The following SELP variants were observed in gnomAD, a reference collection of about 807,000 sequenced individuals.
The protein encoded by SELP is selectin P.
SELP carries 92 observed loss-of-function variants against 104.1 expected under a neutral mutation model. That is an observed-to-expected ratio of 0.88 (90% CI 0.75 to 1.05). SELP has a LOEUF of 1.05. Among genes scored for constraint, SELP ranks in the 50% least tolerant of loss-of-function variants. The pLI, the probability that SELP is intolerant of heterozygous loss-of-function variation, is 0.00. For synonymous variants in SELP, 397 were observed against 364.5 expected (o/e 1.09, Z -1.01); for missense variants, 1,022 against 1,017.3 (o/e 1.00, Z -0.06).
chr1:169,608,889 C>T (rs907015116), intron 8 of SELP, among the ~76,000 whole-genome samples: 3 of 152,094 alleles, frequency 2.0e-5, no homozygotes, highest in Non-Finnish European at 2.9e-5. Context: ...ACACCCGCCC[C>T]CCATGAGTGC....
chr1:169,603,222 C>A lies in SELP; in HGVS notation c.1520-11G>T. On this transcript the variant is annotated splice_polypyrimidine_tract_variant and intron_variant, in intron 9 of 16. Transcript: ENST00000263686. Reference sequence around the variant, plus strand: ...GTGTGCAGGGAATGGCTATCATGGGCATGGCAGAGGAGAAAAGAAGAGATC... The same window carrying A: ...GTGTGCAGGGAATGGCTATCATGGGAATGGCAGAGGAGAAAAGAAGAGATC... 1 of 1,604,982 alleles carries A rather than the reference C, an allele frequency of 6.2e-7. No individual in the cohort carries two copies. Among genetic ancestry groups the A allele is most frequent in the African/African-American group, 1.3e-5 (1 of 74,724 alleles).
At chr1:169,603,870 T>TA (rs915679777) in intron 9 of SELP, among the ~76,000 whole-genome samples, 2 of 152,250 alleles carry the variant, frequency 1.3e-5, no homozygotes, top group African/African-American at 4.8e-5. Flanking sequence ...TTTGGGTTGG[T>TA]TCCAAGTCTT....
rs3917747 is a variant in SELP at position 169,608,233 on chromosome 1, A to G, written c.1334-1099T>C. 7.2e-3 allele frequency among the ~76,000 whole-genome samples: 1,096 copies of G among 151,962 alleles called. 16 individuals carry two copies. The highest frequency in any genetic ancestry group is 0.025 in the African/African-American group (1,044 of 41,382). On this transcript the variant is annotated intron_variant, in intron 8 of 16. Transcript: ENST00000263686. ...TAATTTACCATTTACCATGTCACCA[A>G]TATCAAGTGTACAGTTCAGTGGTAT...
chr1:169,590,550 A>T (rs1268840474), intron 15 of SELP, among the ~76,000 whole-genome samples: 1 of 146,272 alleles, frequency 6.8e-6, no homozygotes, highest in Non-Finnish European at 1.5e-5. Context: ...AGGGTGCAAT[A>T]TGACCCCTAG....
At chr1:169,611,735 A>ATG in intron 6 of SELP, 58 bp from the exon 7 acceptor site, 1 of 1,439,688 alleles carries the variant, frequency 6.9e-7, no homozygotes, top group Non-Finnish European at 9.2e-7. Context: ...AAAGCCACAC[A>ATG]GAGAGCAATG....
chr1:169,604,205 T>A (rs1662065458), intron 9 of SELP, among the ~76,000 whole-genome samples: 1 of 152,058 alleles, frequency 6.6e-6, no homozygotes, highest in African/African-American at 2.4e-5. Context: ...TGGCCAGTGA[T>A]GATGAGCATT....
Position 169,607,196 on chromosome 1 carries a change from A to AG in SELP, c.1334-63_1334-62insC, listed in dbSNP as rs1250498854. ...ATACACATGTACTCATTGATTTTTGACCATTAACTCTTTCTAGTGTCAAGA... is the reference window on the plus strand; with the variant it reads ...ATACACATGTACTCATTGATTTTTGAGCCATTAACTCTTTCTAGTGTCAAGA... On this transcript the variant is annotated intron_variant, in intron 8 of 16. Coordinates refer to ENST00000263686, the MANE Select transcript of SELP (RefSeq NM_003005.4). The AG allele has an allele frequency of 1.2e-4, 163 of 1,356,516 alleles. No homozygotes were observed. The African/African-American group carries it at 1.8e-3, about 15-fold the overall frequency. 84.0% of individuals were successfully genotyped at this position (1,356,516 alleles called of 1,614,324 possible).
intron 11 of SELP, 123 bp from the exon 12 acceptor site, chr1:169,596,257 CT>C (rs901819474): frequency 2.4e-6 from 2 of 828,056 alleles, no homozygotes; most frequent in Non-Finnish European, 3.9e-6. Context: ...CCTGCAAGAG[CT>C]ATTTAAGGAA....
intron 12 of SELP, 84 bp downstream of exon 12, chr1:169,595,841 G>A: frequency 8.2e-7 from 1 of 1,225,670 alleles, no homozygotes; most frequent in Non-Finnish European, 1.2e-6. Flanking sequence ...GTGGTTGGGT[G>A]AGACTTCAAC....
intron 1 of SELP, among the ~76,000 whole-genome samples, chr1:169,625,347 C>T (rs970834023): frequency 1.3e-5 from 2 of 152,210 alleles, no homozygotes; most frequent in South Asian, 2.1e-4. Context: ...CCTTCCCTTG[C>T]AGAGGTAAGT....
At chr1:169,599,321 A>T (rs1234818633) in intron 10 of SELP, among the ~76,000 whole-genome samples, 2 of 151,376 alleles carry the variant, frequency 1.3e-5, no homozygotes, top group African/African-American at 2.4e-5. Context: ...TAACTTTGAG[A>T]AGTGGTCATA....
chr1:169,612,870 G>T, intron 5 of SELP, 59 bp downstream of exon 5: 1 of 1,395,146 alleles, frequency 7.2e-7, no homozygotes, highest in Non-Finnish European at 9.7e-7. Flanking sequence ...AGCTCATTGT[G>T]TCCTCTTCTC....
intron 1 of SELP, 100 bp downstream of exon 1, chr1:169,629,972 A>ATCGC: frequency 4.8e-6 from 7 of 1,461,578 alleles, no homozygotes; most frequent in Non-Finnish European, 5.8e-6. Context: ...CTCCATGGCT[A>ATCGC]TCGCTGTTCC....
intron 1 of SELP, among the ~76,000 whole-genome samples, chr1:169,623,853 T>C (rs1241593923): frequency 6.6e-6 from 1 of 152,174 alleles, no homozygotes; most frequent in Non-Finnish European, 1.5e-5. Context: ...TCCCCACCAC[T>C]GAGACTCAGT....
intron 10 of SELP, 112 bp downstream of exon 10, chr1:169,602,914 T>C: frequency 2.6e-6 from 2 of 765,576 alleles, no homozygotes; most frequent in Non-Finnish European, 4.0e-6. Context: ...ACCATTGTTG[T>C]GGAGAGTGTT....
intron 9 of SELP, among the ~76,000 whole-genome samples, chr1:169,603,914 T>G (rs1662050034): frequency 6.6e-6 from 1 of 152,262 alleles, no homozygotes; most frequent in African/African-American, 2.4e-5. Flanking sequence ...TAAACATACC[T>G]GTGCATGTGT....
rs926529371 is a variant in SELP, at chr1:169,611,748, G to T, written c.962-71C>A. On this transcript the variant is annotated intron_variant, in intron 6 of 16. Coordinates refer to ENST00000263686, the MANE Select transcript of SELP (RefSeq NM_003005.4). ...GAAAAGCCACACAGAGAGCAATGGT[G>T]GAACCACCTCTGAAATGCAGGTGGA... 3 of 1,456,092 alleles carry T rather than the reference G, an allele frequency of 2.1e-6. No homozygotes were observed. In the African/African-American group the frequency reaches 4.2e-5, roughly 21 times the overall value. 90.2% of individuals were successfully genotyped at this position (1,456,092 alleles called of 1,614,324 possible). A position where few individuals can be genotyped will look rare whatever the true frequency, so the allele number is the denominator to read the frequency against.
intron 1 of SELP, among the ~76,000 whole-genome samples, chr1:169,624,267 A>G (rs1663270322): frequency 6.6e-6 from 1 of 152,162 alleles, no homozygotes; most frequent in Admixed American, 6.5e-5. Context: ...TTACTAAGCA[A>G]GTTAAATACT....
At chr1:169,609,883 C>A (rs1207135383) in intron 7 of SELP, among the ~76,000 whole-genome samples, 194 bp from the exon 8 acceptor site, 1 of 152,124 alleles carries the variant, frequency 6.6e-6, no homozygotes, top group Non-Finnish European at 1.5e-5. Flanking sequence ...CTCTCACCTG[C>A]CCTTCAGGTC....
Sources: allele counts gnomAD v4.1 joint callset (sites outside exome capture counted in the v4.1 genomes callset), GRCh38; gene constraint gnomAD v4.1.1; transcripts MANE v1.5; gene names NCBI Gene and HGNC (gene_info 2026-07-23, HGNC 2026-07-21).